MAGI3: variants seen among roughly 807,000 people sequenced by gnomAD.
MAGI3 encodes the protein membrane associated guanylate kinase, WW and PDZ domain containing 3.
MAGI3 carries 43 observed loss-of-function variants against 121.8 expected under a neutral mutation model. That is an observed-to-expected ratio of 0.35 (90% confidence interval 0.28 to 0.46). The LOEUF (loss-of-function observed/expected upper bound fraction) is 0.46. MAGI3 is among the 20% of genes least tolerant of loss of function. The pLI is 1.00. For synonymous variants in MAGI3, 553 were observed against 639.3 expected (o/e 0.86, Z 2.04); for missense variants, 1,547 against 1,797.3 (o/e 0.86, Z 2.52).
intron 14 of MAGI3, among the ~76,000 whole-genome samples, chr1:113,652,764 A>G (rs926755676): frequency 2.0e-5 from 3 of 152,220 alleles, no homozygotes; most frequent in African/African-American, 7.2e-5. Context: ...GTTATTATTA[A>G]CGATGGTTTG....
At chr1:113,624,821 T>C (rs1040561154) in intron 9 of MAGI3, among the ~76,000 whole-genome samples, 7 of 152,214 alleles carry the variant, frequency 4.6e-5, no homozygotes, top group African/African-American at 1.7e-4. Context: ...CAATGTTTTC[T>C]TTTTTTAGTT....
In MAGI3 at chr1:113,612,310, C is replaced by G. The variant is rs185856719; in HGVS notation, c.1019-2291C>G. Reference sequence around the variant, plus strand: ...ATCTTACCAGGCAATTGGTATTCCTCTGCACTCCCCAAAAAAGATTATGTT... The same window carrying G: ...ATCTTACCAGGCAATTGGTATTCCTGTGCACTCCCCAAAAAAGATTATGTT... On this transcript the variant is annotated intron_variant, in intron 6 of 20. Coordinates refer to ENST00000307546, the MANE Select transcript of MAGI3 (RefSeq NM_001142782.2). Among the ~76,000 whole-genome samples the G allele has an allele frequency of 1.5e-3, 234 of 152,234 alleles. 1 individual carries two copies. Among genetic ancestry groups the G allele is most frequent in the African/African-American group, 4.7e-3 (196 of 41,548 alleles).
intron 1 of MAGI3, among the ~76,000 whole-genome samples, chr1:113,424,893 G>T (rs779697878): frequency 2.6e-5 from 4 of 152,190 alleles, no homozygotes; most frequent in Non-Finnish European, 5.9e-5. Context: ...CAGCACTTTG[G>T]GGGGCCAAGG....
At chr1:113,519,782 G>A (rs532759803) in intron 1 of MAGI3, among the ~76,000 whole-genome samples, 3 of 152,304 alleles carry the variant, frequency 2.0e-5, no homozygotes, top group South Asian at 4.1e-4. Flanking sequence ...CACATGGGCA[G>A]CCTTAGCCTA....
At chr1:113,469,690 A>G (rs1570720529) in intron 1 of MAGI3, among the ~76,000 whole-genome samples, 3 of 152,250 alleles carry the variant, frequency 2.0e-5, no homozygotes, top group Admixed American at 2.0e-4. Context: ...GAATCAACTT[A>G]TCTCTTATAT....
intron 1 of MAGI3, among the ~76,000 whole-genome samples, chr1:113,491,716 A>G (rs996368230): frequency 6.6e-6 from 1 of 152,156 alleles, no homozygotes; most frequent in Non-Finnish European, 1.5e-5. Context: ...AATATAAATA[A>G]CCATCAGAGA....
intron 19 of MAGI3, 124 bp downstream of exon 19, chr1:113,673,589 A>G: frequency 1.9e-6 from 2 of 1,068,530 alleles, no homozygotes; most frequent in Non-Finnish European, 2.7e-6. Context: ...ATTTGTCATC[A>G]CTGGTAGCTA....
chr1:113,537,913 G>A (rs149046622), intron 1 of MAGI3, among the ~76,000 whole-genome samples: 2 of 152,214 alleles, frequency 1.3e-5, no homozygotes, highest in East Asian at 3.9e-4. Context: ...ATGGAAATTG[G>A]AAATACTTAA....
chr1:113,485,943 T>C (rs571729646), intron 1 of MAGI3, among the ~76,000 whole-genome samples: 6 of 152,332 alleles, frequency 3.9e-5, no homozygotes, highest in African/African-American at 1.4e-4. Flanking sequence ...CTGTGTGTTT[T>C]TGTTTGCTTT....
intron 1 of MAGI3, among the ~76,000 whole-genome samples, chr1:113,504,034 T>G (rs1048122500): frequency 6.6e-6 from 1 of 151,950 alleles, no homozygotes. Context: ...GATGTTGGAG[T>G]GCATAGAGTA....
chr1:113,412,036 C>T (rs990833817), intron 1 of MAGI3, among the ~76,000 whole-genome samples: 26 of 122,602 alleles, frequency 2.1e-4, no homozygotes, highest in African/African-American at 7.7e-4. Flanking sequence ...CCCCCACCCC[C>T]GACAGGCCCC....
At position 113,478,645 on chromosome 1, in the gene MAGI3, T is replaced by C. The variant is rs1655967384; in HGVS notation, c.317-70870T>C. ...TTCGTCCCAGAGGGTCAGCTGTCTA[T>C]ATGAGGTGGCTGTCGGCCCCTACTG... On this transcript the variant is annotated intron_variant, in intron 1 of 20. Coordinates refer to ENST00000307546, the MANE Select transcript of MAGI3 (RefSeq NM_001142782.2). 3.9e-5 allele frequency among the ~76,000 whole-genome samples: 6 copies of C among 152,244 alleles called. No individual in the cohort carries two copies. In the South Asian group the frequency reaches 1.0e-3, roughly 26 times the overall value.
chr1:113,598,076 G>A (rs570584641), intron 6 of MAGI3, among the ~76,000 whole-genome samples: 75 of 152,240 alleles, frequency 4.9e-4, no homozygotes, highest in African/African-American at 1.7e-3. Flanking sequence ...GCCAGACATG[G>A]TGGTGGGCAC....
At chr1:113,466,353 A>G (rs1655285053) in intron 1 of MAGI3, among the ~76,000 whole-genome samples, 1 of 152,160 alleles carries the variant, frequency 6.6e-6, no homozygotes, top group African/African-American at 2.4e-5. Flanking sequence ...ATCATGGTGA[A>G]TGATCTTTTT....
intron 1 of MAGI3, among the ~76,000 whole-genome samples, chr1:113,507,374 A>T (rs1657386031): frequency 6.6e-6 from 1 of 152,112 alleles, no homozygotes; most frequent in African/African-American, 2.4e-5. Context: ...CGTTTATGTT[A>T]TTTCACTAAT....
intron 6 of MAGI3, among the ~76,000 whole-genome samples, chr1:113,595,908 G>A (rs1320833491): frequency 6.6e-6 from 1 of 152,120 alleles, no homozygotes; most frequent in African/African-American, 2.4e-5. Context: ...GCATGCGCCT[G>A]TAGACCCAGC....
At chr1:113,447,498 G>A (rs1654234449) in intron 1 of MAGI3, among the ~76,000 whole-genome samples, 4 of 152,128 alleles carry the variant, frequency 2.6e-5, no homozygotes, top group South Asian at 2.1e-4. Flanking sequence ...AAACTTCAAC[G>A]TAACTTTGGG....
intron 1 of MAGI3, among the ~76,000 whole-genome samples, chr1:113,538,021 A>G (rs1659088658): frequency 6.6e-6 from 1 of 152,224 alleles, no homozygotes; most frequent in Non-Finnish European, 1.5e-5. Flanking sequence ...TTACTGCAGA[A>G]AAGTTCTGAG....
At chr1:113,456,474 C>G (rs866841866) in intron 1 of MAGI3, among the ~76,000 whole-genome samples, 2 of 152,046 alleles carry the variant, frequency 1.3e-5, no homozygotes, top group Middle Eastern at 3.4e-3. Flanking sequence ...GATAAAGTAC[C>G]AAAAAGTAGT....
Sources: gnomAD v4.1 joint callset for allele counts (sites outside exome capture counted in the v4.1 genomes callset) on GRCh38, gnomAD v4.1.1 for gene constraint, MANE v1.5 for transcripts, NCBI Gene and HGNC (gene_info 2026-07-23, HGNC 2026-07-21) for gene names.